Variants in PHAF1 observed in about 807,000 individuals in gnomAD.
The protein encoded by PHAF1 is phagosome assembly factor 1.
In PHAF1, 23 loss-of-function variants were observed where a neutral mutation model predicts 63.1. The ratio of observed to expected loss-of-function variants is 0.36; its 90% CI spans 0.26 to 0.52. The LOEUF (loss-of-function observed/expected upper bound fraction) is 0.52, where lower values mean the gene tolerates loss of function less well. Among genes scored for constraint, PHAF1 ranks in the 20% least tolerant of loss-of-function variants. The probability of loss-of-function intolerance (pLI) is 0.93; values close to 1 mark genes in which losing one functional copy is unlikely to be tolerated. For synonymous variants in PHAF1, 167 were observed against 185.0 expected, an observed-to-expected ratio of 0.90 and a Z score of 0.79; for missense variants, 427 against 517.2, an observed-to-expected ratio of 0.83 and a Z score of 1.69.
At chr16:67,140,230 T>C in intron 9 of PHAF1, 113 bp downstream of exon 9, 1 of 1,336,832 alleles carries the variant, frequency 7.5e-7, no homozygotes, top group Non-Finnish European at 1.0e-6. Flanking sequence ...AAGCTAATGG[T>C]AAAGTAAATT....
intron 15 of PHAF1, 107 bp downstream of exon 15, chr16:67,146,457 G>A: frequency 2.6e-6 from 3 of 1,170,040 alleles, no homozygotes; most frequent in East Asian, 4.7e-5. Flanking sequence ...GCCATAGTGG[G>A]CAGATTCATC....
chr16:67,132,594 G>A (rs1478238931), intron 5 of PHAF1, 69 bp downstream of exon 5: 1 of 1,494,888 alleles, frequency 6.7e-7, no homozygotes, highest in Non-Finnish European at 9.3e-7. Flanking sequence ...GCCCGGTAGT[G>A]CCATCCCACC....
chr16:67,117,998 G>A lies in PHAF1; in HGVS notation c.65-2114G>A, dbSNP rs536702452. ...GAGATAGAGTCTCGCTCTGTAGCCC[G>A]GGCTGGAGTGCAGTGGCGCAATCTT... On this transcript the variant is annotated intron_variant, in intron 1 of 15. Coordinates refer to ENST00000219139, the MANE Select transcript of PHAF1 (RefSeq NM_025187.5). Among the ~76,000 whole-genome samples the A allele has an allele frequency of 1.4e-4, 20 of 145,782 alleles. No homozygotes were observed. In the South Asian group the frequency reaches 2.9e-3, roughly 21 times the overall value.
chr16:67,122,086 G>C (rs956873875), intron 2 of PHAF1, among the ~76,000 whole-genome samples: 2 of 151,678 alleles, frequency 1.3e-5, no homozygotes, highest in Non-Finnish European at 2.9e-5. Flanking sequence ...ATTTTGTAGA[G>C]ATGGGGTCTC....
chr16:67,133,992 T>A (rs894492855), intron 6 of PHAF1, among the ~76,000 whole-genome samples, 176 bp from the exon 7 acceptor site: 3 of 150,790 alleles, frequency 2.0e-5, no homozygotes, highest in Admixed American at 6.6e-5. Context: ...GAATTAAAGG[T>A]GGACTTACAT....
chr16:67,147,169 G>T lies in PHAF1; in HGVS notation c.*38G>T, dbSNP rs371802322. On this transcript the variant is annotated 3_prime_UTR_variant, in exon 16 of 16. Transcript: ENST00000219139. The stretch of plus-strand genomic sequence containing the variant: ...CCATGCCCCTCTGTCCCGTGGAACT[G>T]TGCATCACATCCTGCTCAGTGGGCC... 6.4e-7 allele frequency: 1 copy of T among 1,557,164 alleles called. No individual in the cohort carries two copies. Among genetic ancestry groups the T allele is most frequent in the Non-Finnish European group, 8.9e-7 (1 of 1,128,618 alleles).
chr16:67,146,429 A>G (rs2030081309), intron 15 of PHAF1, 79 bp downstream of exon 15: 1 of 1,434,970 alleles, frequency 7.0e-7, no homozygotes, highest in Non-Finnish European at 9.8e-7. Context: ...ATGGAGGGAA[A>G]TTGGGGAGGG....
At chr16:67,127,224 G>A (rs970248235) in intron 3 of PHAF1, among the ~76,000 whole-genome samples, 14 of 152,170 alleles carry the variant, frequency 9.2e-5, no homozygotes, top group Non-Finnish European at 1.8e-4. Context: ...GGTTAGTCAT[G>A]TGACACCAGA....
chr16:67,139,898 T>C lies in PHAF1; in HGVS notation c.662-86T>C, dbSNP rs540929396. ...CCTTGCCAGACCTAATAATGTAGCATGCAGCCAGTAGCTTCTCTGGGGCCC... is the reference window on the plus strand; with the variant it reads ...CCTTGCCAGACCTAATAATGTAGCACGCAGCCAGTAGCTTCTCTGGGGCCC... On this transcript the variant is annotated intron_variant, in intron 8 of 15. Transcript: ENST00000219139. 342 of 1,496,390 alleles carry C rather than the reference T, an allele frequency of 2.3e-4. 3 individuals are homozygous for C. In the South Asian group the frequency reaches 3.2e-3, roughly 14 times the overall value. 92.7% of individuals were successfully genotyped at this position (1,496,390 alleles called of 1,614,324 possible). A position where few individuals can be genotyped will look rare whatever the true frequency, so the allele number is the denominator to read the frequency against.
intron 1 of PHAF1, among the ~76,000 whole-genome samples, chr16:67,113,771 CAG>C (rs1385956094): frequency 1.4e-5 from 2 of 142,964 alleles, no homozygotes; most frequent in East Asian, 4.2e-4. Flanking sequence ...TTTTTTGAGA[CAG>C]AGTCTTACTC....
At chr16:67,138,596 A>G (rs1474785092) in intron 8 of PHAF1, among the ~76,000 whole-genome samples, 1 of 151,886 alleles carries the variant, frequency 6.6e-6, no homozygotes, top group Non-Finnish European at 1.5e-5. Flanking sequence ...TGGTGTATCT[A>G]TTACTGTGCC....
At chr16:67,133,640 T>C (rs1334112416) in intron 6 of PHAF1, among the ~76,000 whole-genome samples, 5 of 150,682 alleles carry the variant, frequency 3.3e-5, no homozygotes, top group South Asian at 2.1e-4. Context: ...TTTAGCTGGG[T>C]GTGGTGGCGG....
At position 67,111,109 on chromosome 16, in the gene PHAF1, C is replaced by T. The variant is rs191927844; in HGVS notation, c.64+870C>T. Among the ~76,000 whole-genome samples the T allele has an allele frequency of 7.6e-4, 116 of 152,310 alleles. 1 individual carries two copies. The highest frequency in any genetic ancestry group is 2.7e-3 in the African/African-American group (114 of 41,566). On this transcript the variant is annotated intron_variant, in intron 1 of 15. Transcript: ENST00000219139. Reference sequence around the variant, plus strand: ...GATTACAGGCGTGAGCCACTGCACCCGGCCCCGCTTCTCTCTCTTTTGAAA... The same window carrying T: ...GATTACAGGCGTGAGCCACTGCACCTGGCCCCGCTTCTCTCTCTTTTGAAA...
At chr16:67,139,024 T>C (rs1323899721) in intron 8 of PHAF1, among the ~76,000 whole-genome samples, 1 of 151,928 alleles carries the variant, frequency 6.6e-6, no homozygotes, top group Non-Finnish European at 1.5e-5. Flanking sequence ...GCTCAAGTGA[T>C]CCTCCCACCT....
intron 1 of PHAF1, 149 bp downstream of exon 1, chr16:67,110,388 T>C (rs1962462979): frequency 2.4e-6 from 2 of 848,812 alleles, no homozygotes; most frequent in African/African-American, 1.7e-5. Flanking sequence ...AGGCACTAGA[T>C]ACCCGCTCCA....
intron 6 of PHAF1, among the ~76,000 whole-genome samples, chr16:67,133,922 G>A (rs1451965528): frequency 6.6e-6 from 1 of 151,874 alleles, no homozygotes; most frequent in Non-Finnish European, 1.5e-5. Flanking sequence ...TCCAACCTGG[G>A]TGACAGAGTG....
intron 3 of PHAF1, among the ~76,000 whole-genome samples, chr16:67,128,015 A>C (rs1963255713): frequency 1.3e-5 from 2 of 152,266 alleles, no homozygotes; most frequent in African/African-American, 4.8e-5. Flanking sequence ...GGTGAAGACA[A>C]TGTCATATGT....
intron 11 of PHAF1, 47 bp from the exon 12 acceptor site, chr16:67,144,787 C>T (rs895520966): frequency 3.1e-6 from 5 of 1,596,622 alleles, no homozygotes; most frequent in South Asian, 2.2e-5. Flanking sequence ...TGGGAGTGGC[C>T]AGGCCTTCTA....
intron 1 of PHAF1, among the ~76,000 whole-genome samples, chr16:67,117,282 C>T (rs1962777111): frequency 6.8e-6 from 1 of 147,448 alleles, no homozygotes. Context: ...AACTCCTGAC[C>T]TCGTGATCCG....
Sources: allele counts gnomAD v4.1 joint callset (sites outside exome capture counted in the v4.1 genomes callset), GRCh38; gene constraint gnomAD v4.1.1; transcripts MANE v1.5; gene names NCBI Gene and HGNC (gene_info 2026-07-23, HGNC 2026-07-21).